WHAMM: variants seen among roughly 807,000 people sequenced by gnomAD.
WHAMM encodes the protein WASP homolog associated with actin, golgi membranes and microtubules, also known as WASP homolog-associated protein with actin, membranes and microtubules.
A neutral mutation model predicts 76.5 loss-of-function variants in WHAMM; 67 were observed. The observed-to-expected ratio is 0.88, with a 90% CI of 0.72 to 1.07. The LOEUF (loss-of-function observed/expected upper bound fraction) is 1.07. Among genes scored for constraint, WHAMM ranks in the 50% least tolerant of loss-of-function variants. The pLI, the probability that WHAMM is intolerant of heterozygous loss-of-function variation, is 0.00. For missense variants in WHAMM, 1,021 were observed against 1,051.1 expected, an observed-to-expected ratio of 0.97 and a Z score of 0.40; for synonymous variants, 419 against 422.1, an observed-to-expected ratio of 0.99 and a Z score of 0.09.
In WHAMM at chr15:82,823,125, C is replaced by A. The variant is rs746998593; in HGVS notation, c.1296C>A (p.Tyr432Ter). ...IKEKQDEVVYYDPCENPEELK... is the reference protein window; with the variant it reads ...IKEKQDEVVY ...AAAAACAAGATGAAGTTGTCTATTA[C>A]GATCCATGTGAAAATCCAGAGGAAC... is the stretch of plus-strand genomic sequence containing the variant. The change falls in exon 6 of 10, where the codon TAC (tyrosine) becomes TAA (stop). Residue 432 changes from tyrosine to a stop codon, truncating the protein, a stop_gained. Transcript: ENST00000286760. LOFTEE classifies it high-confidence loss of function. The A allele has an allele frequency of 7.0e-7, 1 of 1,427,384 alleles. No homozygotes were observed. The highest frequency in any genetic ancestry group is 9.3e-7 in the Non-Finnish European group (1 of 1,077,310). 88.4% of individuals were successfully genotyped at this position (1,427,384 alleles called of 1,614,324 possible). A position where few individuals can be genotyped will look rare whatever the true frequency, so the allele number is the denominator to read the frequency against.
chr15:82,817,830 G>A, intron 3 of WHAMM, 90 bp from the exon 4 acceptor site: 1 of 1,077,186 alleles, frequency 9.3e-7, no homozygotes, highest in South Asian at 2.7e-5. Flanking sequence ...TCTGCAGGTA[G>A]TATGGAGGCA....
intron 5 of WHAMM, among the ~76,000 whole-genome samples, chr15:82,820,003 C>T (rs752138080): frequency 2.0e-5 from 3 of 148,756 alleles, no homozygotes; most frequent in Admixed American, 1.4e-4. Flanking sequence ...GCCTGGACAA[C>T]AGGGCGAGAC....
chr15:82,815,752 C>T (rs1450684459), intron 2 of WHAMM, among the ~76,000 whole-genome samples: 1 of 152,180 alleles, frequency 6.6e-6, no homozygotes, highest in Non-Finnish European at 1.5e-5. Flanking sequence ...TTGGTTACAG[C>T]CATCCTAGTG....
chr15:82,830,501 T>C, intron 8 of WHAMM, 98 bp from the exon 9 acceptor site: 3 of 1,512,734 alleles, frequency 2.0e-6, no homozygotes, highest in African/African-American at 1.4e-5. Context: ...AGACCATCCA[T>C]GCATAGAAAC....
chr15:82,833,525 T>TG lies in WHAMM; in HGVS notation c.2422dup (p.Asp808GlyfsTer23). The TG allele has an allele frequency of 6.2e-7, 1 of 1,613,042 alleles. No individual in the cohort carries two copies. The highest frequency in any genetic ancestry group is 8.5e-7 in the Non-Finnish European group (1 of 1,179,490). On this transcript the variant is annotated frameshift_variant, in exon 10 of 10. Transcript: ENST00000286760. LOFTEE classifies it high-confidence loss of function. ...CAGTGATGAGCAGGACCCTGGCCAGTGGGATGGTTAGGCTCAAGTTTGACA... is the reference window on the plus strand; with the variant it reads ...CAGTGATGAGCAGGACCCTGGCCAGTGGGGATGGTTAGGCTCAAGTTTGACA...
intron 4 of WHAMM, among the ~76,000 whole-genome samples, chr15:82,818,557 A>G (rs2050767268): frequency 6.6e-6 from 1 of 152,260 alleles, no homozygotes; most frequent in African/African-American, 2.4e-5. Flanking sequence ...CAGTATTGAA[A>G]TGGGTACTGT....
rs565989700 is a variant in WHAMM, at chr15:82,833,248, G to T, written c.2142G>T (p.Leu714Phe). The stretch of plus-strand genomic sequence containing the variant: ...TTTCAGGATCTATGGATGAAGTGTT[G>T]GCCTCCTTAAGGCATGGCAGAGCTC... ...FSCPGSMDEV[L>F]ASLRHGRAPL... The change falls in exon 10 of 10, where the codon TTG becomes TTT. Residue 714 changes from leucine (L) to phenylalanine (F), a missense_variant. Leu to Phe is a conservative substitution (Grantham distance 22). Coordinates refer to ENST00000286760, the MANE Select transcript of WHAMM (RefSeq NM_001080435.3). The T allele has an allele frequency of 6.2e-6, 10 of 1,613,752 alleles. No individual in the cohort carries two copies. In the African/African-American group the frequency reaches 1.3e-4, roughly 22 times the overall value.
chr15:82,810,077 CGGGGCCT>C lies in WHAMM; in HGVS notation c.356_362del (p.Ala119ValfsTer95). On this transcript the variant is annotated frameshift_variant, in exon 1 of 10. Coordinates refer to ENST00000286760, the MANE Select transcript of WHAMM (RefSeq NM_001080435.3). LOFTEE classifies it high-confidence loss of function. Reference sequence around the variant, plus strand: ...CGCCGGAGCTGGACGTGGGCGGCGGCGGGGCCTGGGGTCTGGGGCTCGGGCTGTGGGC... The same window carrying C: ...CGCCGGAGCTGGACGTGGGCGGCGGCGGGGTCTGGGGCTCGGGCTGTGGGC... The C allele has an allele frequency of 8.2e-7, 1 of 1,215,308 alleles. No homozygotes were observed. Among genetic ancestry groups the C allele is most frequent in the South Asian group, 3.5e-5 (1 of 28,836 alleles). 75.3% of individuals were successfully genotyped at this position (1,215,308 alleles called of 1,614,324 possible). A position where few individuals can be genotyped will look rare whatever the true frequency, so the allele number is the denominator to read the frequency against.
At chr15:82,828,094 G>A (rs1228761491) in intron 8 of WHAMM, among the ~76,000 whole-genome samples, 1 of 152,156 alleles carries the variant, frequency 6.6e-6, no homozygotes, top group Non-Finnish European at 1.5e-5. Flanking sequence ...TCCCAGAAAA[G>A]ATTCTGGAAT....
At chr15:82,813,322 A>T (rs1200971409) in intron 2 of WHAMM, 46 bp downstream of exon 2, 2 of 1,396,652 alleles carry the variant, frequency 1.4e-6, no homozygotes, top group African/African-American at 2.9e-5. Context: ...ACTATTTGTC[A>T]TAAATTATTT....
intron 8 of WHAMM, among the ~76,000 whole-genome samples, chr15:82,829,699 TG>T (rs56040281): frequency 2.6e-5 from 4 of 151,230 alleles, no homozygotes; most frequent in African/African-American, 4.9e-5. Flanking sequence ...ATGGATTGCA[TG>T]GGGGGGGTGT....
In WHAMM at chr15:82,810,125, G is replaced by A. The variant is rs989827229; in HGVS notation, c.399G>A (p.Thr133=). The A allele has an allele frequency of 8.1e-5, 109 of 1,348,640 alleles. No homozygotes were observed. Among genetic ancestry groups the A allele is most frequent in the Admixed American group, 4.4e-4 (15 of 34,236 alleles). The allele number at this position is 1,348,640 out of a possible 1,614,324, so 83.5% of individuals were successfully genotyped here. ...GGCTGTGGGCGCTGCTGTGGCCGAC[G>A]CGCGCGGGTCCCGGCGAGGCGGCGC... The part of the protein sequence containing the change: ...GLGLWALLWP[T]RAGPGEAALQ... The change falls in exon 1 of 10, where the codon ACG becomes ACA. Residue 133 remains threonine, a synonymous_variant. Coordinates refer to ENST00000286760, the MANE Select transcript of WHAMM (RefSeq NM_001080435.3).
Position 82,833,887 on chromosome 15 carries a change from C to T in WHAMM, c.*351C>T, listed in dbSNP as rs561831973. 4 of 213,388 alleles carry T rather than the reference C, an allele frequency of 1.9e-5. No individual in the cohort carries two copies. The East Asian group carries it at 4.2e-4, about 22-fold the overall frequency. 13.2% of individuals were successfully genotyped at this position (213,388 alleles called of 1,614,324 possible). ...CCCGAGTAGCTGGGACTACAGGCGC[C>T]ACCACCTTGCCCAACTAATTTTTTG... is the stretch of plus-strand genomic sequence containing the variant. On this transcript the variant is annotated 3_prime_UTR_variant, in exon 10 of 10. Coordinates refer to ENST00000286760, the MANE Select transcript of WHAMM (RefSeq NM_001080435.3).
intron 8 of WHAMM, among the ~76,000 whole-genome samples, chr15:82,830,138 C>T (rs2051001682): frequency 6.7e-6 from 1 of 150,220 alleles, no homozygotes; most frequent in South Asian, 2.1e-4. Context: ...TCATTGAACA[C>T]TATCATCTGA....
At chr15:82,814,766 CTTTTTTTTTTTT>C (rs773443880) in intron 2 of WHAMM, among the ~76,000 whole-genome samples, 2 of 94,770 alleles carry the variant, frequency 2.1e-5, no homozygotes, top group Non-Finnish European at 4.0e-5. Context: ...TTTTTCCTTT[CTTTTTTTTTTTT>C]TTTTTTTTTG....
rs2050780485 is a variant in WHAMM, at chr15:82,819,344, G to T, written c.1126G>T (p.Glu376Ter). The stretch of plus-strand genomic sequence containing the variant: ...TAAGATGGAAGATCTTCCAGAACAA[G>T]AAAAAAATACAAATGTTGTAGATGA... ...QGKMEDLPEQ[E>*]KNTNVVDELE... The change falls in exon 5 of 10, where the codon GAA becomes TAA. Residue 376 changes from glutamate to a stop codon, truncating the protein, a stop_gained. Transcript: ENST00000286760. LOFTEE classifies it high-confidence loss of function. 1 of 1,118,388 alleles carries T rather than the reference G, an allele frequency of 8.9e-7. No homozygotes were observed. The allele number at this position is 1,118,388 out of a possible 1,614,324, so 69.3% of individuals were successfully genotyped here. A position where few individuals can be genotyped will look rare whatever the true frequency, so the allele number is the denominator to read the frequency against.
At chr15:82,830,508 A>T in intron 8 of WHAMM, 91 bp from the exon 9 acceptor site, 1 of 1,523,550 alleles carries the variant, frequency 6.6e-7, no homozygotes, top group South Asian at 1.3e-5. Flanking sequence ...CCATGCATAG[A>T]AACGGATGTG....
rs769196684 is a variant in WHAMM, at chr15:82,830,849, A to C, written c.1892A>C (p.Lys631Thr). 2 of 1,590,548 alleles carry C rather than the reference A, an allele frequency of 1.3e-6. No homozygotes were observed. Among genetic ancestry groups the C allele is most frequent in the African/African-American group, 1.3e-5 (1 of 74,340 alleles). The change falls in exon 9 of 10, where the codon AAA becomes ACA. Residue 631 changes from lysine to threonine, a missense_variant. Lys to Thr is a moderately conservative substitution (Grantham distance 78). Transcript: ENST00000286760. The stretch of plus-strand genomic sequence containing the variant: ...CCAGTTGGTGATCAAACACATTCCA[A>C]ATCCAGTGAGGAATTGTCACTGCCA... Reference protein sequence around the residue: ...FVPVGDQTHSKSSEELSLPPP... With the variant: ...FVPVGDQTHSTSSEELSLPPP...
At chr15:82,826,301 A>G in intron 6 of WHAMM, 109 bp from the exon 7 acceptor site, 1 of 1,139,512 alleles carries the variant, frequency 8.8e-7, no homozygotes, top group Non-Finnish European at 1.3e-6. Context: ...ACTAATATTA[A>G]TGAATGCCTT....
Sources: allele counts gnomAD v4.1 joint callset (sites outside exome capture counted in the v4.1 genomes callset), GRCh38; gene constraint gnomAD v4.1.1; transcripts MANE v1.5; gene names NCBI Gene and HGNC (gene_info 2026-07-23, HGNC 2026-07-21).